Variants in AXDND1 observed in about 807,000 individuals in gnomAD.
The protein encoded by AXDND1 is axonemal dynein light chain domain containing 1.
In AXDND1, 110 loss-of-function variants were observed where a neutral mutation model predicts 137.5. The ratio of observed to expected loss-of-function variants is 0.80; its 90% confidence interval spans 0.69 to 0.94. AXDND1 has a LOEUF of 0.94. Ranked by LOEUF, AXDND1 falls within the 40% of genes least tolerant of loss-of-function variation. The probability of loss-of-function intolerance (pLI) is 0.00; values close to 1 mark genes in which losing one functional copy is unlikely to be tolerated. For synonymous variants in AXDND1, 414 were observed against 399.7 expected (o/e 1.04, Z -0.43); for missense variants, 1,191 against 1,169.8 (o/e 1.02, Z -0.26).
At chr1:179,515,997 G>T (rs936439226) in intron 21 of AXDND1, among the ~76,000 whole-genome samples, 6 of 152,092 alleles carry the variant, frequency 3.9e-5, no homozygotes, top group Non-Finnish European at 7.4e-5. Context: ...CAGGTTTATA[G>T]CCTGGGAGCA....
chr1:179,447,795 G>T (rs1659953820), intron 16 of AXDND1: 1 of 1,296,742 alleles, frequency 7.7e-7, no homozygotes, highest in Non-Finnish European at 1.1e-6. Flanking sequence ...CCACTGGGCT[G>T]CTTCCAGTTC....
In AXDND1 at chr1:179,488,691, C is replaced by CTTTCT. The variant is rs1553292326; in HGVS notation, c.2092-2844_2092-2840dup. Among the ~76,000 whole-genome samples, 19 of 115,734 alleles carry CTTTCT rather than the reference C, an allele frequency of 1.6e-4. 3 individuals are homozygous for CTTTCT. Among genetic ancestry groups the CTTTCT allele is most frequent in the African/African-American group, 6.3e-4 (17 of 26,816 alleles). 75.9% of individuals were successfully genotyped at this position (115,734 alleles called of 152,430 possible). A position where few individuals can be genotyped will look rare whatever the true frequency, so the allele number is the denominator to read the frequency against. ...TCTTTCTTTCTTTCTTTCTTTCTTT[C>CTTTCT]TTTCTTTCCTCTCTCTGTCTCTCTC... On this transcript the variant is annotated intron_variant, in intron 18 of 25. Coordinates refer to ENST00000367618, the MANE Select transcript of AXDND1 (RefSeq NM_144696.6).
At chr1:179,532,702 G>A (rs1671142000) in intron 23 of AXDND1, among the ~76,000 whole-genome samples, 1 of 151,898 alleles carries the variant, frequency 6.6e-6, no homozygotes, top group East Asian at 1.9e-4. Flanking sequence ...GGGCAACATA[G>A]CAAGACCCAA....
At chr1:179,548,127 C>G (rs1672814975) in intron 25 of AXDND1, among the ~76,000 whole-genome samples, 1 of 152,202 alleles carries the variant, frequency 6.6e-6, no homozygotes, top group Non-Finnish European at 1.5e-5. Context: ...GGAGCAGGCA[C>G]TACTGGCCAT....
intron 19 of AXDND1, among the ~76,000 whole-genome samples, chr1:179,492,382 T>C (rs1369045986): frequency 6.6e-6 from 1 of 151,834 alleles, no homozygotes; most frequent in African/African-American, 2.4e-5. Context: ...GCCCTGAATG[T>C]ATACTTTTAT....
intron 21 of AXDND1, among the ~76,000 whole-genome samples, chr1:179,511,835 A>G (rs1437594815): frequency 1.3e-5 from 2 of 151,658 alleles, no homozygotes; most frequent in African/African-American, 2.4e-5. Context: ...TTTTTTTCAT[A>G]TATTTGTTGG....
At chr1:179,367,392 G>A (rs1382576978) in intron 2 of AXDND1, among the ~76,000 whole-genome samples, 2 of 152,106 alleles carry the variant, frequency 1.3e-5, no homozygotes, top group Non-Finnish European at 2.9e-5. Context: ...GCTCGTGCCT[G>A]TAGTCCCAGC....
chr1:179,447,673 T>A, intron 16 of AXDND1: 2 of 1,351,320 alleles, frequency 1.5e-6, no homozygotes, highest in Non-Finnish European at 2.1e-6. Flanking sequence ...CATTCCAAGA[T>A]TACTGCCACC....
intron 25 of AXDND1, chr1:179,546,035 CT>C (rs1259464014): frequency 6.6e-6 from 1 of 152,214 alleles, no homozygotes; most frequent in African/African-American, 2.4e-5. Context: ...TCCTCACCAT[CT>C]GTTCCAGTGC....
At chr1:179,459,787 CTT>C (rs1412481623) in intron 16 of AXDND1, among the ~76,000 whole-genome samples, 6 of 98,550 alleles carry the variant, frequency 6.1e-5, no homozygotes, top group Admixed American at 3.4e-4. Flanking sequence ...TCTTTATTTT[CTT>C]TCTCTCTCTC....
intron 25 of AXDND1, among the ~76,000 whole-genome samples, chr1:179,540,736 C>A (rs1032610497): frequency 4.6e-5 from 7 of 152,230 alleles, no homozygotes; most frequent in Non-Finnish European, 8.8e-5. Flanking sequence ...GGGAGAACCA[C>A]TGCTCTCTTC....
At chr1:179,479,923 G>A (rs6681136) in intron 17 of AXDND1, among the ~76,000 whole-genome samples, 69,311 of 151,868 alleles carry the variant, frequency 0.46, 16,680 homozygotes, top group East Asian at 0.76. Context: ...TCTTTGCTCC[G>A]GTTCCCAAGA....
intron 12 of AXDND1, among the ~76,000 whole-genome samples, chr1:179,422,316 T>A (rs745657550): frequency 4.6e-5 from 7 of 152,198 alleles, no homozygotes; most frequent in Non-Finnish European, 1.0e-4. Context: ...TCCCATAGAT[T>A]TTTGTATGCT....
chr1:179,399,670 C>G (rs943899552), intron 11 of AXDND1, among the ~76,000 whole-genome samples: 2 of 152,186 alleles, frequency 1.3e-5, no homozygotes, highest in East Asian at 3.8e-4. Context: ...TCTTCACAAT[C>G]TATACATCTG....
At chr1:179,428,777 A>AC (rs1432399280) in intron 12 of AXDND1, among the ~76,000 whole-genome samples, 1 of 152,172 alleles carries the variant, frequency 6.6e-6, no homozygotes, top group African/African-American at 2.4e-5. Context: ...AAACAATAGC[A>AC]CTCTTTTTAC....
chr1:179,521,402 G>A (rs2125675579), intron 21 of AXDND1, among the ~76,000 whole-genome samples: 1 of 152,164 alleles, frequency 6.6e-6, no homozygotes. Flanking sequence ...CCTACAAATA[G>A]GGATAGTTTT....
intron 12 of AXDND1, among the ~76,000 whole-genome samples, chr1:179,424,741 C>G (rs189776696): frequency 9.7e-4 from 148 of 152,130 alleles, no homozygotes; most frequent in Admixed American, 1.9e-3. Flanking sequence ...ATTCTTGTTT[C>G]TTTCTATCCT....
At chr1:179,547,657 C>A (rs1387232816) in intron 25 of AXDND1, among the ~76,000 whole-genome samples, 1 of 152,156 alleles carries the variant, frequency 6.6e-6, no homozygotes. Flanking sequence ...AGGTTTGGGT[C>A]CCACGAGCAC....
intron 23 of AXDND1, chr1:179,532,901 T>C (rs200251852): frequency 4.6e-4 from 13 of 28,500 alleles, no homozygotes; most frequent in Admixed American, 4.3e-3. Flanking sequence ...AGAAAAAGAA[T>C]AAATAAATAA....
Sources: gnomAD v4.1 joint callset for allele counts (sites outside exome capture counted in the v4.1 genomes callset) on GRCh38, gnomAD v4.1.1 for gene constraint, MANE v1.5 for transcripts, NCBI Gene and HGNC (gene_info 2026-07-23, HGNC 2026-07-21) for gene names.